Variants in NR3C2 observed in about 807,000 individuals in gnomAD.
NR3C2 encodes the protein nuclear receptor subfamily 3 group C member 2.
NR3C2 carries 15 observed loss-of-function variants against 86.4 expected under a neutral mutation model. The ratio of observed to expected loss-of-function variants is 0.17; its 90% CI spans 0.12 to 0.27. The LOEUF is 0.27. NR3C2 is among the 10% of genes least tolerant of loss of function. NR3C2 has a pLI of 1.00. For synonymous variants in NR3C2, 458 were observed against 450.5 expected (o/e 1.02, Z -0.21); for missense variants, 960 against 1,195.6 (o/e 0.80, Z 2.91).
rs1418047791 is a variant in NR3C2, at chr4:148,213,116, G to A, written c.1898-18254C>T. Reference sequence around the variant, plus strand: ...AATGCAATTTCTCCAAAGTTGAGAAGGAGAGGAAGGACAATGATGGGTTTT... The same window carrying A: ...AATGCAATTTCTCCAAAGTTGAGAAAGAGAGGAAGGACAATGATGGGTTTT... On this transcript the variant is annotated intron_variant, in intron 3 of 8. Coordinates refer to ENST00000358102, the MANE Select transcript of NR3C2 (RefSeq NM_000901.5). Among the ~76,000 whole-genome samples the A allele has an allele frequency of 2.1e-5, 3 of 143,542 alleles. No homozygotes were observed. The East Asian group carries it at 6.2e-4, about 30-fold the overall frequency. 94.2% of individuals were successfully genotyped at this position (143,542 alleles called of 152,430 possible). A position where few individuals can be genotyped will look rare whatever the true frequency, so the allele number is the denominator to read the frequency against.
chr4:148,416,070 G>A (rs1030530913), intron 2 of NR3C2, among the ~76,000 whole-genome samples: 4 of 151,942 alleles, frequency 2.6e-5, no homozygotes, highest in Non-Finnish European at 5.9e-5. Flanking sequence ...AAATTGTAAT[G>A]ATTTCCTATA....
chr4:148,300,576 G>C (rs57929469), intron 2 of NR3C2, among the ~76,000 whole-genome samples: 28,885 of 144,526 alleles, frequency 0.2, 3,021 homozygotes, highest in Admixed American at 0.28. Context: ...TCTCCATTTT[G>C]CCTTGCTACT....
chr4:148,158,184 A>C (rs1436181732), intron 4 of NR3C2, among the ~76,000 whole-genome samples: 1 of 152,224 alleles, frequency 6.6e-6, no homozygotes, highest in African/African-American at 2.4e-5. Flanking sequence ...CTAGTAACCC[A>C]GATACTTCCG....
rs113835900 is a variant in NR3C2, at chr4:148,297,023, C to T, written c.1758-36906G>A. ...ATTTAAAATCAGTTGCTCAGTTGCA[C>T]TAGCTACATTTCAAGTGCTCAAGTG... On this transcript the variant is annotated intron_variant, in intron 2 of 8. Coordinates refer to ENST00000358102, the MANE Select transcript of NR3C2 (RefSeq NM_000901.5). 4.6e-3 allele frequency among the ~76,000 whole-genome samples: 694 copies of T among 152,318 alleles called. 2 individuals are homozygous for T. The highest frequency in any genetic ancestry group is 7.7e-3 in the Non-Finnish European group (521 of 68,028).
intron 3 of NR3C2, among the ~76,000 whole-genome samples, chr4:148,247,427 C>G (rs1739370260): frequency 6.6e-6 from 1 of 152,084 alleles, no homozygotes; most frequent in African/African-American, 2.4e-5. Flanking sequence ...CAGTAGTGGG[C>G]AACTTTGTAA....
At chr4:148,230,122 A>G (rs1738383601) in intron 3 of NR3C2, among the ~76,000 whole-genome samples, 1 of 152,212 alleles carries the variant, frequency 6.6e-6, no homozygotes, top group South Asian at 2.1e-4. Context: ...CTCTAGTACT[A>G]GAAATTAGCT....
In NR3C2 at chr4:148,081,604, C is replaced by A. The variant is rs61763144; in HGVS notation, c.2800-105G>T. On this transcript the variant is annotated intron_variant, in intron 8 of 8. Transcript: ENST00000358102. ...AACTCAAATGACAACATTTAGAAAG[C>A]CTCCCAGGAGACCATGTCTTCATTA... 4,214 of 1,499,760 alleles carry A rather than the reference C, an allele frequency of 2.8e-3. 9 individuals are homozygous for A. Among genetic ancestry groups the A allele is most frequent in the Non-Finnish European group, 3.6e-3 (3,884 of 1,091,010 alleles). The allele number at this position is 1,499,760 out of a possible 1,614,324, so 92.9% of individuals were successfully genotyped here.
intron 8 of NR3C2, among the ~76,000 whole-genome samples, chr4:148,083,624 C>G (rs1730678995): frequency 6.6e-6 from 1 of 152,132 alleles, no homozygotes; most frequent in Admixed American, 6.5e-5. Flanking sequence ...ACCAGAACGC[C>G]TCTTCTCCTA....
In NR3C2 at chr4:148,081,246, A is replaced by C; in HGVS notation, c.*98T>G. On this transcript the variant is annotated 3_prime_UTR_variant, in exon 9 of 9. Transcript: ENST00000358102. ...TTGAGAAACTGTTGAACAAGTGTGA[A>C]TCAACCATCACATGTTAAAAACAGG... is the stretch of plus-strand genomic sequence containing the variant. 2 of 1,455,494 alleles carry C rather than the reference A, an allele frequency of 1.4e-6. No homozygotes were observed. Among genetic ancestry groups the C allele is most frequent in the Non-Finnish European group, 1.9e-6 (2 of 1,041,520 alleles). 90.2% of individuals were successfully genotyped at this position (1,455,494 alleles called of 1,614,324 possible).
intron 6 of NR3C2, among the ~76,000 whole-genome samples, chr4:148,136,077 CAA>C (rs1213471911): frequency 0.059 from 1,699 of 28,920 alleles, 96 homozygotes; most frequent in African/African-American, 0.13. Context: ...AAAAAAAAAA[CAA>C]AAAAAAAAAA....
chr4:148,121,915 C>T (rs1231885973), intron 6 of NR3C2, among the ~76,000 whole-genome samples: 1 of 152,186 alleles, frequency 6.6e-6, no homozygotes, highest in African/African-American at 2.4e-5. Context: ...ATTGCTATCA[C>T]AAATGATGCC....
chr4:148,136,077 C>CAAAAAACA (rs1733314235), intron 6 of NR3C2, among the ~76,000 whole-genome samples: 1 of 28,920 alleles, frequency 3.5e-5, no homozygotes, highest in Non-Finnish European at 9.3e-5. Flanking sequence ...AAAAAAAAAA[C>CAAAAAACA]AAAAAAAAAA....
chr4:148,229,223 AC>A (rs1439670872), intron 3 of NR3C2, among the ~76,000 whole-genome samples: 4 of 152,070 alleles, frequency 2.6e-5, no homozygotes, highest in African/African-American at 9.7e-5. Context: ...AAGTGGAACC[AC>A]CCGAAATTCA....
intron 2 of NR3C2, among the ~76,000 whole-genome samples, chr4:148,294,583 A>G (rs898529099): frequency 6.6e-6 from 1 of 152,042 alleles, no homozygotes; most frequent in African/African-American, 2.4e-5. Context: ...TAATGCAAGT[A>G]CCTCAACTGC....
intron 7 of NR3C2, among the ~76,000 whole-genome samples, chr4:148,117,772 C>G (rs910152215): frequency 6.6e-6 from 1 of 152,168 alleles, no homozygotes; most frequent in African/African-American, 2.4e-5. Flanking sequence ...TCTTCATACG[C>G]ATTCGGAAAT....
chr4:148,195,612 G>A (rs1199592669), intron 3 of NR3C2, among the ~76,000 whole-genome samples: 1 of 152,146 alleles, frequency 6.6e-6, no homozygotes, highest in Non-Finnish European at 1.5e-5. Context: ...AAGCACTAGG[G>A]AGAAAAATGA....
rs1219180910 is a variant in NR3C2, at chr4:148,165,477, AAC to A, written c.2015-10578_2015-10577del. 2.0e-5 allele frequency among the ~76,000 whole-genome samples: 3 copies of A among 152,240 alleles called. No individual in the cohort carries two copies. In the East Asian group the frequency reaches 5.8e-4, roughly 29 times the overall value. On this transcript the variant is annotated intron_variant, in intron 4 of 8. Transcript: ENST00000358102. ...CAAAATATTTCTTCCCTCTTAGTTC[AAC>A]AGTCTTTCTGTGAAATAAATTACTT...
chr4:148,383,525 T>C (rs1386292927), intron 2 of NR3C2, among the ~76,000 whole-genome samples: 1 of 152,208 alleles, frequency 6.6e-6, no homozygotes, highest in Non-Finnish European at 1.5e-5. Context: ...GTTTTAAAAA[T>C]GTTAAACAAC....
chr4:148,320,675 T>G (rs1346713142), intron 2 of NR3C2, among the ~76,000 whole-genome samples: 38 of 152,132 alleles, frequency 2.5e-4, no homozygotes, highest in African/African-American at 8.7e-4. Context: ...GAGGTGTTTG[T>G]AGTATTCTCT....
Sources: allele counts gnomAD v4.1 joint callset (sites outside exome capture counted in the v4.1 genomes callset), GRCh38; gene constraint gnomAD v4.1.1; transcripts MANE v1.5; gene names NCBI Gene and HGNC (gene_info 2026-07-23, HGNC 2026-07-21).